The following NCAM2 variants were observed in gnomAD, a reference collection of about 807,000 sequenced individuals.
NCAM2 encodes N-CAM-2.
In NCAM2, 30 loss-of-function variants were observed where a neutral mutation model predicts 98.1. The ratio of observed to expected loss-of-function variants is 0.31; its 90% confidence interval spans 0.23 to 0.41. The LOEUF (loss-of-function observed/expected upper bound fraction) is 0.41, where lower values mean the gene tolerates loss of function less well. Ranked by LOEUF, NCAM2 falls within the 10% of genes least tolerant of loss-of-function variation. The probability of loss-of-function intolerance (pLI) is 1.00; values close to 1 mark genes in which losing one functional copy is unlikely to be tolerated. For missense variants in NCAM2, 867 were observed against 1,005.8 expected, an observed-to-expected ratio of 0.86 and a Z score of 1.87; for synonymous variants, 368 against 342.4, an observed-to-expected ratio of 1.07 and a Z score of -0.83.
intron 8 of NCAM2, among the ~76,000 whole-genome samples, chr21:21,358,092 C>G (rs571211670): frequency 1.3e-5 from 2 of 152,218 alleles, no homozygotes; most frequent in African/African-American, 4.8e-5. Context: ...TTGAATTTCT[C>G]TAGCGTAATC....
At chr21:21,251,539 T>C (rs2071470399) in intron 1 of NCAM2, among the ~76,000 whole-genome samples, 1 of 152,190 alleles carries the variant, frequency 6.6e-6, no homozygotes, top group South Asian at 2.1e-4. Flanking sequence ...CCACATTTTA[T>C]GTATCCAGTC....
At chr21:21,245,696 GTTTCATAA>G (rs1229503330) in intron 1 of NCAM2, among the ~76,000 whole-genome samples, 2 of 152,130 alleles carry the variant, frequency 1.3e-5, no homozygotes, top group African/African-American at 4.8e-5. Flanking sequence ...TAAACTGTTT[GTTTCATAA>G]TTTTATTTCT....
intron 1 of NCAM2, among the ~76,000 whole-genome samples, chr21:21,172,373 A>C (rs1217455586): frequency 6.6e-6 from 1 of 152,106 alleles, no homozygotes; most frequent in Non-Finnish European, 1.5e-5. Flanking sequence ...ATTTTGACCT[A>C]ACATGTTTGA....
intron 14 of NCAM2, among the ~76,000 whole-genome samples, chr21:21,471,386 A>C (rs1347409843): frequency 6.6e-6 from 1 of 152,062 alleles, no homozygotes; most frequent in Non-Finnish European, 1.5e-5. Flanking sequence ...GTTCTTGATC[A>C]TCTGTTCTCT....
intron 15 of NCAM2, among the ~76,000 whole-genome samples, chr21:21,503,212 A>T (rs1203434005): frequency 2.6e-5 from 4 of 152,004 alleles, no homozygotes; most frequent in Non-Finnish European, 4.4e-5. Flanking sequence ...CTCTACGTAC[A>T]TACCTATGAT....
At chr21:21,492,200 T>G (rs1986898172) in intron 15 of NCAM2, among the ~76,000 whole-genome samples, 1 of 151,844 alleles carries the variant, frequency 6.6e-6, no homozygotes. Flanking sequence ...TCAAGCAACT[T>G]TGATTCTCAG....
At chr21:21,201,244 G>A (rs1405206959) in intron 1 of NCAM2, among the ~76,000 whole-genome samples, 1 of 152,126 alleles carries the variant, frequency 6.6e-6, no homozygotes, top group East Asian at 1.9e-4. Context: ...CCAATTTAGA[G>A]AAGTTTATAT....
intron 16 of NCAM2, among the ~76,000 whole-genome samples, chr21:21,513,659 G>C (rs1485742937): frequency 6.6e-6 from 1 of 152,116 alleles, no homozygotes; most frequent in South Asian, 2.1e-4. Context: ...GGAGAAGAAA[G>C]TGTATTCTTA....
In NCAM2 at chr21:21,477,424, C is replaced by T. The variant is rs765685495; in HGVS notation, c.2030C>T (p.Pro677Leu). Reference sequence around the variant, plus strand: ...GCCAATAGATTGGGATATTCTGAACCGACAGTTTATGAATTCAGCATGCCA... The same window carrying T: ...GCCAATAGATTGGGATATTCTGAACTGACAGTTTATGAATTCAGCATGCCA... ...TAANRLGYSE[P>L]TVYEFSMPPK... The change falls in exon 15 of 18, where the codon CCG becomes CTG. Residue 677 changes from proline to leucine, a missense_variant. This residue lies in a region of NCAM2 where 234 missense variants were observed against 333.8 expected (regional missense o/e 0.70). Coordinates refer to ENST00000400546, the MANE Select transcript of NCAM2 (RefSeq NM_004540.5). The T allele has an allele frequency of 4.4e-6, 7 of 1,607,122 alleles. No homozygotes were observed. The highest frequency in any genetic ancestry group is 2.2e-5 in the South Asian group (2 of 90,226).
intron 5 of NCAM2, among the ~76,000 whole-genome samples, chr21:21,318,841 G>C (rs534896912): frequency 6.6e-6 from 1 of 152,242 alleles, no homozygotes; most frequent in South Asian, 2.1e-4. Context: ...GAGTAAGAGT[G>C]AAGACTTATT....
intron 1 of NCAM2, among the ~76,000 whole-genome samples, chr21:21,032,768 G>A (rs532422103): frequency 6.6e-6 from 1 of 152,022 alleles, no homozygotes; most frequent in African/African-American, 2.4e-5. Context: ...ATTTGTTAAG[G>A]TACATTAATG....
At chr21:21,469,441 AT>A (rs532039359) in intron 14 of NCAM2, among the ~76,000 whole-genome samples, 28 of 152,022 alleles carry the variant, frequency 1.8e-4, no homozygotes, top group African/African-American at 5.5e-4. Flanking sequence ...TTTCTTCAAC[AT>A]TTTTTTCCAT....
intron 9 of NCAM2, 72 bp downstream of exon 9, chr21:21,374,085 G>C: frequency 7.0e-7 from 1 of 1,437,838 alleles, no homozygotes; most frequent in Non-Finnish European, 9.5e-7. Context: ...TTTCAATAAA[G>C]ACCAAAATAT....
chr21:21,091,935 C>T (rs375854397), intron 1 of NCAM2, among the ~76,000 whole-genome samples: 2 of 152,046 alleles, frequency 1.3e-5, no homozygotes, highest in East Asian at 3.9e-4. Context: ...TTGTACTCTA[C>T]ATTAAGTAGG....
intron 8 of NCAM2, among the ~76,000 whole-genome samples, chr21:21,359,177 A>G (rs565425379): frequency 3.0e-4 from 45 of 152,052 alleles, no homozygotes; most frequent in Non-Finnish European, 2.4e-4. Context: ...ATGACATTTT[A>G]AAGATCTACC....
chr21:21,319,317 G>A (rs2074308440), intron 5 of NCAM2, among the ~76,000 whole-genome samples: 1 of 152,146 alleles, frequency 6.6e-6, no homozygotes. Flanking sequence ...TCAATCCTCT[G>A]TGAATACGAG....
At chr21:21,219,819 T>C (rs1040613685) in intron 1 of NCAM2, among the ~76,000 whole-genome samples, 7 of 152,202 alleles carry the variant, frequency 4.6e-5, no homozygotes, top group Non-Finnish European at 1.0e-4. Context: ...CCTGAAGACT[T>C]TCCAGTGGGA....
At chr21:21,144,061 A>G (rs972240521) in intron 1 of NCAM2, among the ~76,000 whole-genome samples, 1 of 151,942 alleles carries the variant, frequency 6.6e-6, no homozygotes, top group African/African-American at 2.4e-5. Flanking sequence ...TTAAAAATCA[A>G]CCTTTTGGCT....
chr21:21,530,975 A>G (rs929590616), intron 16 of NCAM2, among the ~76,000 whole-genome samples: 7 of 152,042 alleles, frequency 4.6e-5, no homozygotes, highest in African/African-American at 7.2e-5. Flanking sequence ...AATATCACCA[A>G]TTTATTTTTT....
Sources: gnomAD v4.1 joint callset for allele counts (sites outside exome capture counted in the v4.1 genomes callset) on GRCh38, gnomAD v4.1.1 for gene constraint, gnomAD v4.1.1 regional missense constraint, MANE v1.5 for transcripts, NCBI Gene and HGNC (gene_info 2026-07-23, HGNC 2026-07-21) for gene names.